Variants in ZFP36 observed in about 807,000 individuals in gnomAD.
ZFP36 encodes ZFP36 zinc finger CCCH-type, also known as mRNA decay activator protein ZFP36.
A neutral mutation model predicts 19.8 loss-of-function variants in ZFP36; 13 were observed. The ratio of observed to expected loss-of-function variants is 0.66; its 90% CI spans 0.43 to 1.04. The LOEUF is 1.04. Ranked by LOEUF, ZFP36 falls within the 50% of genes least tolerant of loss-of-function variation. ZFP36 has a pLI of 0.00. For missense variants in ZFP36, 354 were observed against 441.6 expected (o/e 0.80, Z 1.78); for synonymous variants, 191 against 194.5 (o/e 0.98, Z 0.15).
chr19:39,409,080 T>A lies in ZFP36; in HGVS notation c.*381T>A, dbSNP rs1189115314. On this transcript the variant is annotated 3_prime_UTR_variant, in exon 2 of 2. Transcript: ENST00000597629. ...TTTTTATAGACCTGAGGTTCCAGTGTCTCCTGGTAACTGGAACCTCTCCTG... is the reference window on the plus strand; with the variant it reads ...TTTTTATAGACCTGAGGTTCCAGTGACTCCTGGTAACTGGAACCTCTCCTG... 1 of 164,090 alleles carries A rather than the reference T, an allele frequency of 6.1e-6. No individual in the cohort carries two copies. The highest frequency in any genetic ancestry group is 1.3e-5 in the Non-Finnish European group (1 of 76,150). 10.2% of individuals were successfully genotyped at this position (164,090 alleles called of 1,614,324 possible).
chr19:39,406,865 C>T lies in ZFP36; in HGVS notation c.-40C>T, dbSNP rs1243849823. ...CAGCCTCAGCCTGACTTCAGCGCTC[C>T]CACTCTCGGCCGACACCCCTCATGG... On this transcript the variant is annotated 5_prime_UTR_variant, in exon 1 of 2. Coordinates refer to ENST00000597629, the MANE Select transcript of ZFP36 (RefSeq NM_003407.5). The T allele has an allele frequency of 6.3e-7, 1 of 1,596,522 alleles. No individual in the cohort carries two copies. Among genetic ancestry groups the T allele is most frequent in the South Asian group, 1.1e-5 (1 of 89,108 alleles).
Position 39,407,811 on chromosome 19 carries a change from C to T in ZFP36, c.93C>T (p.Gly31=). Reference sequence around the variant, plus strand: ...ATGGAGGGACTGAGTCCAGCCCAGGCTGGGGCTCCTCGGGACCCTGGAGCC... The same window carrying T: ...ATGGAGGGACTGAGTCCAGCCCAGGTTGGGGCTCCTCGGGACCCTGGAGCC... ...SDHGGTESSP[G]WGSSGPWSLS... The change falls in exon 2 of 2, where the codon GGC becomes GGT. Residue 31 remains glycine, a synonymous_variant. Coordinates refer to ENST00000597629, the MANE Select transcript of ZFP36 (RefSeq NM_003407.5). The surrounding 1 kb of genome is among the most constrained non-coding windows in gnomAD (Gnocchi z 7.6). 1 of 1,599,122 alleles carries T rather than the reference C, an allele frequency of 6.3e-7. No homozygotes were observed. The highest frequency in any genetic ancestry group is 8.5e-7 in the Non-Finnish European group (1 of 1,174,748).
In ZFP36 at chr19:39,406,902, A is replaced by T. The variant is rs1308517976; in HGVS notation, c.-3A>T. On this transcript the variant is annotated 5_prime_UTR_variant, in exon 1 of 2. Transcript: ENST00000597629. ...GACACCCCTCATGGCCAACCGTTAC[A>T]CCATGGATCTGACTGCCATCTACGA... 6.2e-7 allele frequency: 1 copy of T among 1,610,086 alleles called. No homozygotes were observed. The highest frequency in any genetic ancestry group is 8.5e-7 in the Non-Finnish European group (1 of 1,178,922).
At position 39,408,247 on chromosome 19, in the gene ZFP36, C is replaced by T. The variant is rs780380952; in HGVS notation, c.529C>T (p.His177Tyr). 6.2e-7 allele frequency: 1 copy of T among 1,613,820 alleles called. No individual in the cohort carries two copies. The highest frequency in any genetic ancestry group is 1.1e-5 in the South Asian group (1 of 91,076). The change falls in exon 2 of 2, where the codon CAC (histidine) becomes TAC (tyrosine). Residue 177 changes from histidine (H) to tyrosine (Y), a missense_variant. Coordinates refer to ENST00000597629, the MANE Select transcript of ZFP36 (RefSeq NM_003407.5). This position sits in a 1 kb window ranked among gnomAD's most constrained non-coding sequence, Gnocchi z 6.0. ...NPSEDLAAPGHPPVLRQSISF... is the reference protein window; with the variant it reads ...NPSEDLAAPGYPPVLRQSISF... Reference sequence around the variant, plus strand: ...TAGCGAAGACCTGGCGGCCCCGGGCCACCCTCCTGTGCTTCGCCAGAGCAT... The same window carrying T: ...TAGCGAAGACCTGGCGGCCCCGGGCTACCCTCCTGTGCTTCGCCAGAGCAT...
intron 1 of ZFP36, 48 bp downstream of exon 1, chr19:39,406,976 G>A (rs376189460): frequency 2.5e-6 from 4 of 1,602,376 alleles, no homozygotes; most frequent in African/African-American, 2.7e-5. Context: ...GCCTGAGTCC[G>A]AGTCCCCACC....
Position 39,408,488 on chromosome 19 carries a change from C to A in ZFP36, c.770C>A (p.Thr257Asn). ...PVCCPSCRRA[T>N]PISVWGPLGG... The stretch of plus-strand genomic sequence containing the variant: ...TGTTGCCCCTCCTGCCGAAGGGCCA[C>A]TCCTATCAGCGTCTGGGGGCCCTTG... The change falls in exon 2 of 2, where the codon ACT (threonine) becomes AAT (asparagine). Residue 257 changes from threonine to asparagine, a missense_variant. Transcript: ENST00000597629. This position sits in a 1 kb window ranked among gnomAD's most constrained non-coding sequence, Gnocchi z 6.0. The A allele has an allele frequency of 6.2e-7, 1 of 1,606,040 alleles. No homozygotes were observed.
At position 39,407,171 on chromosome 19, in the gene ZFP36, A is replaced by C. The variant is rs2145963353; in HGVS notation, c.24+243A>C. ...AAACATGGGTGGGGCGGCCCATGCA[A>C]GTGGAAAGTCGGAGAACTTTTCTCA... On this transcript the variant is annotated intron_variant, in intron 1 of 1. Transcript: ENST00000597629. This position sits in a 1 kb window ranked among gnomAD's most constrained non-coding sequence, Gnocchi z 7.6. 3.7e-6 allele frequency: 2 copies of C among 543,222 alleles called. No individual in the cohort carries two copies. The highest frequency in any genetic ancestry group is 4.6e-5 in the South Asian group (2 of 43,428). The allele number at this position is 543,222 out of a possible 1,614,324, so 33.7% of individuals were successfully genotyped here. A position where few individuals can be genotyped will look rare whatever the true frequency, so the allele number is the denominator to read the frequency against.
Position 39,407,060 on chromosome 19 carries a change from T to G in ZFP36, c.24+132T>G. ...ACTGGGGCTCCCTAGCGCCGCGCCC[T>G]CCAGCCTGGGGCCCCTGCCTCCCGC... On this transcript the variant is annotated intron_variant, in intron 1 of 1. Transcript: ENST00000597629. This position sits in a 1 kb window ranked among gnomAD's most constrained non-coding sequence, Gnocchi z 7.6. The G allele has an allele frequency of 8.3e-7, 1 of 1,204,416 alleles. No homozygotes were observed. The highest frequency in any genetic ancestry group is 1.1e-6 in the Non-Finnish European group (1 of 882,750). The allele number at this position is 1,204,416 out of a possible 1,614,324, so 74.6% of individuals were successfully genotyped here.
At position 39,408,082 on chromosome 19, in the gene ZFP36, G is replaced by T. The variant is rs1298687025; in HGVS notation, c.364G>T (p.Ala122Ser). ...FSESGRCRYG[A>S]KCQFAHGLGE... Reference sequence around the variant, plus strand: ...AGAGAGTGGGCGCTGCCGCTACGGGGCCAAGTGCCAGTTTGCCCATGGCCT... The same window carrying T: ...AGAGAGTGGGCGCTGCCGCTACGGGTCCAAGTGCCAGTTTGCCCATGGCCT... The change falls in exon 2 of 2, where the codon GCC becomes TCC. Residue 122 changes from alanine (A) to serine (S), a missense_variant. Ala to Ser is a moderately conservative substitution (Grantham distance 99). Coordinates refer to ENST00000597629, the MANE Select transcript of ZFP36 (RefSeq NM_003407.5). This position sits in a 1 kb window ranked among gnomAD's most constrained non-coding sequence, Gnocchi z 6.0. 2 of 1,613,840 alleles carry T rather than the reference G, an allele frequency of 1.2e-6. No individual in the cohort carries two copies. Among genetic ancestry groups the T allele is most frequent in the Non-Finnish European group, 1.7e-6 (2 of 1,180,028 alleles).
chr19:39,408,318 A>G lies in ZFP36; in HGVS notation c.600A>G (p.Pro200=), dbSNP rs973339530. The change falls in exon 2 of 2, where the codon CCA becomes CCG. Residue 200 remains proline (P), a synonymous_variant. Coordinates refer to ENST00000597629, the MANE Select transcript of ZFP36 (RefSeq NM_003407.5). The surrounding 1 kb of genome is among the most constrained non-coding windows in gnomAD (Gnocchi z 6.0). The part of the protein sequence containing the change: ...LPSGRRTSPP[P]PGLAGPSLSS... ...CTGGCCGCCGGACCTCACCACCACC[A>G]CCAGGCCTGGCCGGCCCTTCCCTGT... The G allele has an allele frequency of 6.2e-7, 1 of 1,612,902 alleles. No homozygotes were observed. Among genetic ancestry groups the G allele is most frequent in the African/African-American group, 1.3e-5 (1 of 74,844 alleles).
In ZFP36 at chr19:39,407,473, G is replaced by GA. The variant is rs764833781; in HGVS notation, c.25-267dup. On this transcript the variant is annotated intron_variant, in intron 1 of 1. Coordinates refer to ENST00000597629, the MANE Select transcript of ZFP36 (RefSeq NM_003407.5). The surrounding 1 kb of genome is among the most constrained non-coding windows in gnomAD (Gnocchi z 7.6). ...GGGAGGACAAGAGACCCAAAATTGG[G>GA]AAACAGTGGTGCGCCCTGACTTCGG... 3 of 430,658 alleles carry GA rather than the reference G, an allele frequency of 7.0e-6. No homozygotes were observed. In the South Asian group the frequency reaches 1.9e-4, roughly 27 times the overall value. The allele number at this position is 430,658 out of a possible 1,614,324, so 26.7% of individuals were successfully genotyped here. A position where few individuals can be genotyped will look rare whatever the true frequency, so the allele number is the denominator to read the frequency against.
rs149251013 is a variant in ZFP36 at position 39,408,645 on chromosome 19, C to T, written c.927C>T (p.Pro309=). Residue 309 remains proline, a synonymous_variant, in exon 2 of 2, where the codon CCC becomes CCT. Transcript: ENST00000597629. The surrounding 1 kb of genome is among the most constrained non-coding windows in gnomAD (Gnocchi z 6.0). ...CGGGAGTTTTTGCACCACCCCAGCC[C>T]GTGGCAGCCCCCCGGCGACTCCCCA... ...FEAGVFAPPQ[P]VAAPRRLPIF... is the part of the protein sequence containing the mutation. 1.9e-6 allele frequency: 3 copies of T among 1,586,916 alleles called. No homozygotes were observed. Among genetic ancestry groups the T allele is most frequent in the South Asian group, 2.3e-5 (2 of 87,026 alleles).
rs1173343045 is a variant in ZFP36 at position 39,407,059 on chromosome 19, C to T, written c.24+131C>T. ...AACTGGGGCTCCCTAGCGCCGCGCC[C>T]TCCAGCCTGGGGCCCCTGCCTCCCG... is the stretch of plus-strand genomic sequence containing the variant. On this transcript the variant is annotated intron_variant, in intron 1 of 1. Transcript: ENST00000597629. The surrounding 1 kb of genome is among the most constrained non-coding windows in gnomAD (Gnocchi z 7.6). The T allele has an allele frequency of 8.2e-7, 1 of 1,222,806 alleles. No individual in the cohort carries two copies. Among genetic ancestry groups the T allele is most frequent in the African/African-American group, 1.6e-5 (1 of 63,620 alleles). The allele number at this position is 1,222,806 out of a possible 1,614,324, so 75.7% of individuals were successfully genotyped here.
Position 39,407,999 on chromosome 19 carries a change from C to T in ZFP36, c.281C>T (p.Pro94Leu). The T allele has an allele frequency of 6.2e-7, 1 of 1,611,246 alleles. No individual in the cohort carries two copies. Among genetic ancestry groups the T allele is most frequent in the African/African-American group, 1.3e-5 (1 of 75,040 alleles). Residue 94 changes from proline (P) to leucine (L), a missense_variant, in exon 2 of 2, where the codon CCC (proline) becomes CTC (leucine). Pro to Leu is a moderately conservative substitution (Grantham distance 98). Transcript: ENST00000597629. The surrounding 1 kb of genome is among the most constrained non-coding windows in gnomAD (Gnocchi z 7.6). The stretch of plus-strand genomic sequence containing the variant: ...GAGCTGTCACCCTCACCCACTTCGC[C>T]CACTGCAACCTCCACCACCCCCTCG... ...GPELSPSPTSPTATSTTPSRY... is the reference protein window; with the variant it reads ...GPELSPSPTSLTATSTTPSRY...
chr19:39,408,968 G>A lies in ZFP36; in HGVS notation c.*269G>A. The A allele has an allele frequency of 2.9e-6, 1 of 346,646 alleles. No homozygotes were observed. Among genetic ancestry groups the A allele is most frequent in the Non-Finnish European group, 5.3e-6 (1 of 189,988 alleles). The allele number at this position is 346,646 out of a possible 1,614,324, so 21.5% of individuals were successfully genotyped here. ...TTGTAGCATATTTAAGGGAGGCAAT[G>A]AACCCTCTCCCCCACCTCTTCCCTG... On this transcript the variant is annotated 3_prime_UTR_variant, in exon 2 of 2. Transcript: ENST00000597629. The surrounding 1 kb of genome is among the most constrained non-coding windows in gnomAD (Gnocchi z 6.0).
rs773264291 is a variant in ZFP36 at position 39,406,850 on chromosome 19, C to T, written c.-55C>T. ...GCCGGCTCTCGGTGCCAGCCTCAGC[C>T]TGACTTCAGCGCTCCCACTCTCGGC... is the stretch of plus-strand genomic sequence containing the variant. On this transcript the variant is annotated 5_prime_UTR_variant, in exon 1 of 2. Transcript: ENST00000597629. 47 of 1,587,838 alleles carry T rather than the reference C, an allele frequency of 3.0e-5. No individual in the cohort carries two copies. Among genetic ancestry groups the T allele is most frequent in the Non-Finnish European group, 3.8e-5 (44 of 1,170,848 alleles).
rs2078481045 is a variant in ZFP36, at chr19:39,406,948, C to T, written c.24+20C>T. 3 of 1,611,070 alleles carry T rather than the reference C, an allele frequency of 1.9e-6. No homozygotes were observed. The highest frequency in any genetic ancestry group is 2.5e-6 in the Non-Finnish European group (3 of 1,179,274). ...TACGAGGTGAGTCCCCGCCGCACGG[C>T]ATCCCCGGTACCTGCATGCCTGAGT... On this transcript the variant is annotated intron_variant, in intron 1 of 1. Transcript: ENST00000597629.
rs1164305912 is a variant in ZFP36, at chr19:39,408,633, A to G, written c.915A>G (p.Ala305=). 2 of 1,602,686 alleles carry G rather than the reference A, an allele frequency of 1.2e-6. No individual in the cohort carries two copies. The highest frequency in any genetic ancestry group is 2.2e-5 in the East Asian group (1 of 44,826). The change falls in exon 2 of 2, where the codon GCA becomes GCG. Residue 305 remains alanine, a synonymous_variant. Transcript: ENST00000597629. The surrounding 1 kb of genome is among the most constrained non-coding windows in gnomAD (Gnocchi z 6.0). ...DSPVFEAGVF[A]PPQPVAAPRR... ...CCGTCTTCGAGGCGGGAGTTTTTGC[A>G]CCACCCCAGCCCGTGGCAGCCCCCC...
In ZFP36 at chr19:39,407,926, G is replaced by A. The variant is rs1478331828; in HGVS notation, c.208G>A (p.Val70Met). 1 of 1,596,708 alleles carries A rather than the reference G, an allele frequency of 6.3e-7. No individual in the cohort carries two copies. Among genetic ancestry groups the A allele is most frequent in the African/African-American group, 1.3e-5 (1 of 74,796 alleles). The stretch of plus-strand genomic sequence containing the variant: ...AGTGGAGGGCCGCAGCTGTGGCTGG[G>A]TGCCCCCACCCCCTGGCTTCGCACC... ...SLVEGRSCGW[V>M]PPPPGFAPLA... Residue 70 changes from valine (V) to methionine (M), a missense_variant, in exon 2 of 2, where the codon GTG (valine) becomes ATG (methionine). Coordinates refer to ENST00000597629, the MANE Select transcript of ZFP36 (RefSeq NM_003407.5). The surrounding 1 kb of genome is among the most constrained non-coding windows in gnomAD (Gnocchi z 7.6).
Sources: allele counts gnomAD v4.1 joint callset, GRCh38; gene constraint gnomAD v4.1.1; non-coding constraint Gnocchi (gnomAD v3.1); transcripts MANE v1.5; gene names NCBI Gene and HGNC (gene_info 2026-07-23, HGNC 2026-07-21).